Variants in CTBP2 observed in about 807,000 individuals in gnomAD.
CTBP2 encodes C-terminal binding protein 2.
A neutral mutation model predicts 80.3 loss-of-function variants in CTBP2; 30 were observed. That is an observed-to-expected ratio of 0.37 (90% CI 0.28 to 0.51). CTBP2 has a LOEUF of 0.51. Ranked by LOEUF, CTBP2 falls within the 20% of genes least tolerant of loss-of-function variation. The pLI is 0.93. For synonymous variants in CTBP2, 594 were observed against 587.4 expected (o/e 1.01, Z -0.16); for missense variants, 1,212 against 1,375.3 (o/e 0.88, Z 1.88).
intron 8 of CTBP2, among the ~76,000 whole-genome samples, chr10:124,990,237 G>A (rs1260239361): frequency 6.6e-6 from 1 of 151,918 alleles, no homozygotes; most frequent in Non-Finnish European, 1.5e-5. Flanking sequence ...TAGAGACGGG[G>A]TTTCACCACG....
chr10:125,067,692 T>C (rs970192646), intron 2 of CTBP2, among the ~76,000 whole-genome samples: 1 of 152,218 alleles, frequency 6.6e-6, no homozygotes, highest in African/African-American at 2.4e-5. Context: ...ATAACCCTCA[T>C]TCTCTTTCTC....
chr10:125,151,631 G>A (rs950842754), intron 1 of CTBP2, among the ~76,000 whole-genome samples: 1 of 152,224 alleles, frequency 6.6e-6, no homozygotes, highest in Non-Finnish European at 1.5e-5. Context: ...GACCCCAGGA[G>A]TCCCCATGAG....
At chr10:125,151,783 G>A (rs1196554912) in intron 1 of CTBP2, among the ~76,000 whole-genome samples, 2 of 152,196 alleles carry the variant, frequency 1.3e-5, no homozygotes, top group Non-Finnish European at 2.9e-5. Flanking sequence ...CCTTGCCGGG[G>A]CCTCGCGGAC....
intron 8 of CTBP2, 52 bp from the exon 11 acceptor site, chr10:124,989,750 G>C: frequency 6.7e-7 from 1 of 1,482,436 alleles, no homozygotes; most frequent in Non-Finnish European, 9.0e-7. Flanking sequence ...GAGTTGCCAA[G>C]CTCTTGGCTC....
intron 2 of CTBP2, among the ~76,000 whole-genome samples, chr10:125,076,826 C>T (rs1403569202): frequency 1.3e-5 from 2 of 152,234 alleles, no homozygotes; most frequent in Non-Finnish European, 2.9e-5. Context: ...TTCCCTATTT[C>T]ATCCCTGGAG....
At chr10:125,096,691 G>A (rs1849593752) in intron 2 of CTBP2, among the ~76,000 whole-genome samples, 1 of 146,052 alleles carries the variant, frequency 6.8e-6, no homozygotes. Flanking sequence ...TTAAAAAAAA[G>A]CCAGCCAGCC....
chr10:125,085,375 C>G (rs1426268395), intron 2 of CTBP2, among the ~76,000 whole-genome samples: 1 of 152,206 alleles, frequency 6.6e-6, no homozygotes, highest in East Asian at 1.9e-4. Context: ...GATCCCGTCT[C>G]CTTCCTGTAC....
At chr10:125,038,946 T>A (rs374552379) in intron 3 of CTBP2, 51 bp downstream of exon 3, 1 of 1,583,518 alleles carries the variant, frequency 6.3e-7, no homozygotes, top group South Asian at 1.1e-5. Flanking sequence ...CAGCGAAGAT[T>A]TGAGTGAGGG....
intron 2 of CTBP2, among the ~76,000 whole-genome samples, chr10:125,041,529 G>A (rs1382636922): frequency 1.0e-5 from 1 of 96,796 alleles, no homozygotes; most frequent in African/African-American, 4.6e-5. Context: ...ACCCACAAGT[G>A]ACTCTAGGTG....
At chr10:125,146,840 C>T (rs1191916193) in intron 1 of CTBP2, among the ~76,000 whole-genome samples, 1 of 152,140 alleles carries the variant, frequency 6.6e-6, no homozygotes, top group Non-Finnish European at 1.5e-5. Flanking sequence ...TACGCACATG[C>T]GTACTGTGCC....
intron 2 of CTBP2, among the ~76,000 whole-genome samples, chr10:125,108,803 G>C (rs1229256089): frequency 1.3e-5 from 2 of 152,246 alleles, no homozygotes; most frequent in African/African-American, 4.8e-5. Context: ...ACAGCACAGT[G>C]ACCATGCTCC....
intron 2 of CTBP2, among the ~76,000 whole-genome samples, chr10:125,039,731 C>T (rs757737076): frequency 2.0e-5 from 3 of 152,238 alleles, no homozygotes; most frequent in Non-Finnish European, 2.9e-5. Context: ...TCCTAACCAA[C>T]GTTCCTCCGA....
rs374957620 is a variant in CTBP2, at chr10:124,994,701, G to A, written c.2186-18C>T. 2.8e-5 allele frequency: 45 copies of A among 1,612,948 alleles called. No homozygotes were observed. In the East Asian group the frequency reaches 4.7e-4, roughly 17 times the overall value. On this transcript the variant is annotated intron_variant, in intron 4 of 8. Transcript: ENST00000309035. ...CGTGCGACCTGTACAGAAACAGAGCGTCCAGGTGAGTGAGTCCACAGCCCG... is the reference window on the plus strand; with the variant it reads ...CGTGCGACCTGTACAGAAACAGAGCATCCAGGTGAGTGAGTCCACAGCCCG...
chr10:125,030,568 T>C (rs570139947), upstream of CTBP2, among the ~76,000 whole-genome samples: 33 of 152,304 alleles, frequency 2.2e-4, no homozygotes, highest in African/African-American at 5.5e-4. Flanking sequence ...CATGTTCCCA[T>C]TGGAATAATC....
At chr10:125,109,329 A>G (rs1232281643) in intron 2 of CTBP2, among the ~76,000 whole-genome samples, 1 of 152,222 alleles carries the variant, frequency 6.6e-6, no homozygotes, top group African/African-American at 2.4e-5. Flanking sequence ...CATGGTGTCC[A>G]ACTGGAAACA....
At chr10:125,154,227 C>T (rs910057089) in intron 1 of CTBP2, among the ~76,000 whole-genome samples, 4 of 152,266 alleles carry the variant, frequency 2.6e-5, no homozygotes, top group South Asian at 2.1e-4. Flanking sequence ...TAGAACCCCA[C>T]GGATGAAAAG....
intron 2 of CTBP2, among the ~76,000 whole-genome samples, chr10:125,096,337 C>A (rs764251377): frequency 2.0e-5 from 3 of 152,148 alleles, no homozygotes; most frequent in Admixed American, 1.3e-4. Flanking sequence ...GAAAAAATGT[C>A]TCCAAGTTAT....
chr10:125,102,641 T>G (rs1006877805), intron 2 of CTBP2, among the ~76,000 whole-genome samples: 1 of 152,188 alleles, frequency 6.6e-6, no homozygotes, highest in Admixed American at 6.5e-5. Flanking sequence ...GAGTTTCAAT[T>G]GAATTACAAA....
In CTBP2 at chr10:124,988,414, ACT is replaced by A. The variant is rs1433225124; in HGVS notation, c.*1102_*1103del. 1.3e-5 allele frequency: 2 copies of A among 152,640 alleles called. No individual in the cohort carries two copies. Among genetic ancestry groups the A allele is most frequent in the African/African-American group, 4.8e-5 (2 of 41,442 alleles). The allele number at this position is 152,640 out of a possible 1,614,324, so 9.5% of individuals were successfully genotyped here. On this transcript the variant is annotated 3_prime_UTR_variant, in exon 9 of 9. Transcript: ENST00000309035. ...ACAATAAACAAATACAGTAACGGTA[ACT>A]CACACTAAAACAAAACATACTTCTG...
Sources: gnomAD v4.1 joint callset for allele counts (sites outside exome capture counted in the v4.1 genomes callset) on GRCh38, gnomAD v4.1.1 for gene constraint, MANE v1.5 for transcripts, NCBI Gene and HGNC (gene_info 2026-07-23, HGNC 2026-07-21) for gene names.